Variants in SPAST observed in about 807,000 individuals in gnomAD.
SPAST encodes the protein spastic paraplegia 4 (autosomal dominant; spastin).
A neutral mutation model predicts 76.6 loss-of-function variants in SPAST; 30 were observed. The observed-to-expected ratio is 0.39, with a 90% confidence interval of 0.29 to 0.53. The LOEUF (loss-of-function observed/expected upper bound fraction) is 0.53. Among genes scored for constraint, SPAST ranks in the 20% least tolerant of loss-of-function variants. The pLI, the probability that SPAST is intolerant of heterozygous loss-of-function variation, is 0.68. For synonymous variants in SPAST, 305 were observed against 281.0 expected, an observed-to-expected ratio of 1.09 and a Z score of -0.86; for missense variants, 717 against 770.5, an observed-to-expected ratio of 0.93 and a Z score of 0.82.
chr2:32,093,062 GA>G (rs1677783865), intron 3 of SPAST, among the ~76,000 whole-genome samples: 1 of 151,154 alleles, frequency 6.6e-6, no homozygotes, highest in Non-Finnish European at 1.5e-5. Flanking sequence ...AGCACTTTGG[GA>G]GACTGAGGCG....
chr2:32,078,139 C>G (rs919894504), intron 1 of SPAST, among the ~76,000 whole-genome samples: 1 of 151,884 alleles, frequency 6.6e-6, no homozygotes, highest in Admixed American at 6.6e-5. Flanking sequence ...TACAGGCGCC[C>G]GCCACTACGC....
intron 3 of SPAST, among the ~76,000 whole-genome samples, chr2:32,090,000 G>A (rs1397922038): frequency 6.6e-6 from 1 of 152,116 alleles, no homozygotes; most frequent in Non-Finnish European, 1.5e-5. Flanking sequence ...TCCTGACCTC[G>A]TGATCCACCC....
intron 4 of SPAST, among the ~76,000 whole-genome samples, chr2:32,103,517 G>T (rs375203615): frequency 2.6e-5 from 4 of 151,904 alleles, no homozygotes; most frequent in East Asian, 1.9e-4. Flanking sequence ...AGCTTTTGAA[G>T]GTGTTTGCTC....
intron 4 of SPAST, among the ~76,000 whole-genome samples, chr2:32,104,410 G>A (rs1678240139): frequency 3.3e-5 from 5 of 152,128 alleles, no homozygotes; most frequent in Admixed American, 3.3e-4. Flanking sequence ...TATCCAATTT[G>A]CCAGTCTGTG....
intron 4 of SPAST, 66 bp from the exon 5 acceptor site, chr2:32,114,572 T>A (rs1198495964): frequency 2.4e-6 from 3 of 1,249,782 alleles, no homozygotes. Flanking sequence ...GTTTTACAAA[T>A]GTTTGCTTGT....
chr2:32,152,203 C>A (rs1363503212), intron 16 of SPAST, among the ~76,000 whole-genome samples: 1 of 152,110 alleles, frequency 6.6e-6, no homozygotes, highest in African/African-American at 2.4e-5. Flanking sequence ...GTTAAAATAT[C>A]ATATAAGTTT....
intron 16 of SPAST, among the ~76,000 whole-genome samples, chr2:32,148,378 A>C (rs1558344103): frequency 6.6e-6 from 1 of 152,130 alleles, no homozygotes. Flanking sequence ...TACCAAACAG[A>C]AGAAAATTAC....
At chr2:32,126,733 T>G (rs563451418) in intron 7 of SPAST, 6 of 497,760 alleles carry the variant, frequency 1.2e-5, no homozygotes, top group Admixed American at 1.0e-4. Flanking sequence ...GTAATCCTCC[T>G]GTCTTTGCCC....
At chr2:32,089,704 G>A in intron 3 of SPAST, 99 bp downstream of exon 3, 2 of 740,212 alleles carry the variant, frequency 2.7e-6, no homozygotes, top group South Asian at 1.5e-5. Flanking sequence ...TTGAAAATGT[G>A]GTCCAGGCTT....
chr2:32,145,594 A>G (rs1038287632), intron 15 of SPAST, among the ~76,000 whole-genome samples: 1 of 152,258 alleles, frequency 6.6e-6, no homozygotes, highest in African/African-American at 2.4e-5. Context: ...GTATTCTGAC[A>G]TCATTTGAAA....
intron 1 of SPAST, among the ~76,000 whole-genome samples, chr2:32,083,731 C>CTATATATATATA (rs1274823152): frequency 1.4e-5 from 1 of 70,548 alleles, no homozygotes; most frequent in Non-Finnish European, 2.6e-5. Context: ...TTTATATATA[C>CTATATATATATA]TATATATATT....
At chr2:32,152,089 C>A (rs1301349897) in intron 16 of SPAST, among the ~76,000 whole-genome samples, 1 of 151,918 alleles carries the variant, frequency 6.6e-6, no homozygotes, top group Non-Finnish European at 1.5e-5. Flanking sequence ...AACTTTAAGT[C>A]CTTTATTATT....
intron 1 of SPAST, among the ~76,000 whole-genome samples, chr2:32,087,086 C>T (rs768265410): frequency 6.6e-6 from 1 of 152,132 alleles, no homozygotes; most frequent in Non-Finnish European, 1.5e-5. Flanking sequence ...AGGAGGTACC[C>T]AGCAATGAAC....
intron 1 of SPAST, among the ~76,000 whole-genome samples, chr2:32,070,939 A>G (rs953127657): frequency 1.3e-5 from 2 of 152,260 alleles, no homozygotes; most frequent in Non-Finnish European, 2.9e-5. Flanking sequence ...GAGTAGACTC[A>G]TAGCAGAAAC....
At chr2:32,071,011 T>C (rs1411508337) in intron 1 of SPAST, among the ~76,000 whole-genome samples, 2 of 152,214 alleles carry the variant, frequency 1.3e-5, no homozygotes, top group South Asian at 2.1e-4. Flanking sequence ...ACTGCAGGTT[T>C]TTATGTTGTA....
chr2:32,110,243 C>T (rs1331398991), intron 4 of SPAST, among the ~76,000 whole-genome samples: 4 of 148,378 alleles, frequency 2.7e-5, no homozygotes, highest in East Asian at 3.9e-4. Flanking sequence ...TTCAGTCTCC[C>T]GAGTACCTGG....
At position 32,131,052 on chromosome 2, in the gene SPAST, C is replaced by T. The variant is rs571120952; in HGVS notation, c.1245+2573C>T. Among the ~76,000 whole-genome samples, 22 of 152,284 alleles carry T rather than the reference C, an allele frequency of 1.4e-4. 2 individuals are homozygous for T. The South Asian group carries it at 4.6e-3, about 32-fold the overall frequency. ...TTGTTATGGCATTGGACTAAAGTAG[C>T]CTCCATCACTATGATAGAGATAGCC... On this transcript the variant is annotated intron_variant, in intron 9 of 16. Coordinates refer to ENST00000315285, the MANE Select transcript of SPAST (RefSeq NM_014946.4).
chr2:32,094,313 G>A (rs1186201921), intron 3 of SPAST, among the ~76,000 whole-genome samples: 1 of 151,974 alleles, frequency 6.6e-6, no homozygotes, highest in East Asian at 1.9e-4. Flanking sequence ...CTGCCTCCCG[G>A]GTTCAAGCGA....
intron 15 of SPAST, 154 bp from the exon 16 acceptor site, chr2:32,147,064 T>C (rs1355503027): frequency 5.0e-6 from 3 of 605,414 alleles, no homozygotes; most frequent in Admixed American, 5.7e-5. Flanking sequence ...TTATAAATTG[T>C]ATTTGCTCTC....
Sources: allele counts gnomAD v4.1 joint callset (sites outside exome capture counted in the v4.1 genomes callset), GRCh38; gene constraint gnomAD v4.1.1; transcripts MANE v1.5; gene names NCBI Gene and HGNC (gene_info 2026-07-23, HGNC 2026-07-21).